Variants in SPOCK3 observed in about 807,000 individuals in gnomAD.
SPOCK3 encodes the protein SPARC (osteonectin), cwcv and kazal like domains proteoglycan 3, also known as testican-3.
SPOCK3 carries 30 observed loss-of-function variants against 56.6 expected under a neutral mutation model. The observed-to-expected ratio is 0.53, with a 90% CI of 0.40 to 0.72. The LOEUF (loss-of-function observed/expected upper bound fraction) is 0.72, where lower values mean the gene tolerates loss of function less well. Among genes scored for constraint, SPOCK3 ranks in the 30% least tolerant of loss-of-function variants. The probability of loss-of-function intolerance (pLI) is 0.00; values close to 1 mark genes in which losing one functional copy is unlikely to be tolerated. For synonymous variants in SPOCK3, 196 were observed against 183.3 expected, an observed-to-expected ratio of 1.07 and a Z score of -0.56; for missense variants, 527 against 530.0, an observed-to-expected ratio of 0.99 and a Z score of 0.06.
At chr4:166,930,636 G>T (rs564613454) in intron 4 of SPOCK3, among the ~76,000 whole-genome samples, 1 of 152,194 alleles carries the variant, frequency 6.6e-6, no homozygotes, top group Admixed American at 6.5e-5. Flanking sequence ...ATGATGAAAA[G>T]GTCAGACACT....
chr4:166,971,421 TTGATATTTTGTACTTACATTC>T (rs1254006331), intron 4 of SPOCK3, among the ~76,000 whole-genome samples: 24 of 151,256 alleles, frequency 1.6e-4, no homozygotes, highest in Non-Finnish European at 2.4e-4. Context: ...CGAAGATTAC[TTGATATTTTGTACTTACATTC>T]ATGTCTGTGG....
At chr4:166,979,354 G>A (rs1444618676) in intron 4 of SPOCK3, among the ~76,000 whole-genome samples, 1 of 151,974 alleles carries the variant, frequency 6.6e-6, no homozygotes, top group Non-Finnish European at 1.5e-5. Context: ...GTCTCTGGTG[G>A]TAAACTCCAA....
intron 7 of SPOCK3, among the ~76,000 whole-genome samples, chr4:166,768,221 TC>T (rs1008554212): frequency 7.2e-5 from 11 of 152,292 alleles, no homozygotes; most frequent in African/African-American, 2.6e-4. Flanking sequence ...GTGAAATTGA[TC>T]CTGTCATTAT....
At chr4:166,829,523 C>A (rs186025018) in intron 6 of SPOCK3, among the ~76,000 whole-genome samples, 122 of 151,942 alleles carry the variant, frequency 8.0e-4, no homozygotes, top group South Asian at 2.3e-3. Context: ...TAGTTATTTG[C>A]TAAAAATACT....
chr4:167,088,749 C>T (rs1758438226), intron 2 of SPOCK3, among the ~76,000 whole-genome samples: 1 of 152,052 alleles, frequency 6.6e-6, no homozygotes, highest in South Asian at 2.1e-4. Context: ...AGGCGTGAGC[C>T]ACCATGCCTG....
chr4:167,135,168 A>G (rs1160917722), intron 2 of SPOCK3, among the ~76,000 whole-genome samples: 1 of 151,398 alleles, frequency 6.6e-6, no homozygotes, highest in Non-Finnish European at 1.5e-5. Context: ...ATTTTCCTGA[A>G]CATAATATTA....
At chr4:166,991,341 TTATATTTA>T (rs1230726780) in intron 4 of SPOCK3, among the ~76,000 whole-genome samples, 3 of 89,528 alleles carry the variant, frequency 3.4e-5, no homozygotes, top group African/African-American at 1.2e-4. Context: ...CTTTTTGTTT[TTATATTTA>T]TTTATTTATT....
chr4:166,912,748 TA>T lies in SPOCK3; in HGVS notation c.351-6del. On this transcript the variant is annotated splice_region_variant and splice_polypyrimidine_tract_variant and intron_variant, in intron 4 of 10. Transcript: ENST00000357545. Reference sequence around the variant, plus strand: ...TCTACTCCTGCTTCTTTCATCCTGTTAAAAAAATAAAGCAAGCATATTGAGC... The same window carrying T: ...TCTACTCCTGCTTCTTTCATCCTGTTAAAAAATAAAGCAAGCATATTGAGC... 6.3e-7 allele frequency: 1 copy of T among 1,589,562 alleles called. No individual in the cohort carries two copies. The highest frequency in any genetic ancestry group is 8.5e-7 in the Non-Finnish European group (1 of 1,172,442).
chr4:167,193,755 C>A lies in SPOCK3; in HGVS notation c.189+40230G>T, dbSNP rs779661644. ...ACCCAAAGATAATCTTATGAGAGTT[C>A]TCTTATAGGTGACAAACCACTTCCC... On this transcript the variant is annotated intron_variant, in intron 2 of 10. Coordinates refer to ENST00000357545, the MANE Select transcript of SPOCK3 (RefSeq NM_001040159.2). 2.1e-5 allele frequency among the ~76,000 whole-genome samples: 3 copies of A among 145,844 alleles called. 1 individual carries two copies. Among genetic ancestry groups the A allele is most frequent in the Non-Finnish European group, 4.5e-5 (3 of 67,060 alleles).
At chr4:166,960,643 C>T (rs2150055637) in intron 4 of SPOCK3, among the ~76,000 whole-genome samples, 1 of 152,196 alleles carries the variant, frequency 6.6e-6, no homozygotes, top group East Asian at 1.9e-4. Context: ...GAGGTCTCAC[C>T]CAGTTTAGTG....
At chr4:167,078,680 C>G (rs1013368060) in intron 2 of SPOCK3, among the ~76,000 whole-genome samples, 1 of 151,556 alleles carries the variant, frequency 6.6e-6, no homozygotes, top group African/African-American at 2.4e-5. Flanking sequence ...CAGGTATCAT[C>G]CTTTACCTCA....
At chr4:166,827,400 T>C (rs1445987964) in intron 6 of SPOCK3, among the ~76,000 whole-genome samples, 11 of 152,086 alleles carry the variant, frequency 7.2e-5, no homozygotes, top group Admixed American at 6.6e-4. Context: ...CTGCCTGGCA[T>C]GAGATAAGCA....
At chr4:166,739,025 G>T (rs1303853627) in intron 9 of SPOCK3, among the ~76,000 whole-genome samples, 11 of 151,884 alleles carry the variant, frequency 7.2e-5, no homozygotes, top group African/African-American at 2.7e-4. Context: ...TCTAGTTCTA[G>T]ATCCCTGAGG....
At position 167,056,936 on chromosome 4, in the gene SPOCK3, C is replaced by T. The variant is rs1343808109; in HGVS notation, c.235+5556G>A. ...ATTCAGATTCAGGAAATACAGAGAA[C>T]ACCACAAAGATACTCCTCGAGAAGA... On this transcript the variant is annotated intron_variant, in intron 3 of 10. Coordinates refer to ENST00000357545, the MANE Select transcript of SPOCK3 (RefSeq NM_001040159.2). Among the ~76,000 whole-genome samples, 3 of 152,142 alleles carry T rather than the reference C, an allele frequency of 2.0e-5. 1 individual carries two copies. Among genetic ancestry groups the T allele is most frequent in the Middle Eastern group, 6.8e-3 (2 of 292 alleles).
chr4:167,105,964 C>T lies in SPOCK3; in HGVS notation c.190-43427G>A, dbSNP rs151041935. On this transcript the variant is annotated intron_variant, in intron 2 of 10. Transcript: ENST00000357545. ...ATTGTAAATATGTAAGCAATCATTA[C>T]TGGAGCACCCAGATACATAAAGCAA... is the stretch of plus-strand genomic sequence containing the variant. Among the ~76,000 whole-genome samples, 1,070 of 152,002 alleles carry T rather than the reference C, an allele frequency of 7.0e-3. 17 individuals carry two copies. The highest frequency in any genetic ancestry group is 0.024 in the African/African-American group (1,009 of 41,502).
chr4:167,233,901 C>T, intron 2 of SPOCK3, 84 bp downstream of exon 2: 4 of 1,231,302 alleles, frequency 3.2e-6, no homozygotes, highest in South Asian at 1.3e-5. Flanking sequence ...ACGGAGCCCA[C>T]TCCCCACCCA....
chr4:167,129,790 TGGA>T (rs1180511761), intron 2 of SPOCK3, among the ~76,000 whole-genome samples: 4 of 152,106 alleles, frequency 2.6e-5, no homozygotes, highest in Non-Finnish European at 5.9e-5. Context: ...TTTGTCATAA[TGGA>T]AGGAGAAAAA....
At chr4:166,975,713 T>C (rs1039915997) in intron 4 of SPOCK3, among the ~76,000 whole-genome samples, 1 of 152,140 alleles carries the variant, frequency 6.6e-6, no homozygotes, top group Non-Finnish European at 1.5e-5. Flanking sequence ...TCTATCTCTA[T>C]GAGTTCAATT....
intron 4 of SPOCK3, among the ~76,000 whole-genome samples, chr4:166,952,494 A>C (rs1481017222): frequency 6.6e-6 from 1 of 152,200 alleles, no homozygotes; most frequent in African/African-American, 2.4e-5. Flanking sequence ...ATATCGTGAA[A>C]ATGGCCATAC....
Sources: gnomAD v4.1 joint callset for allele counts (sites outside exome capture counted in the v4.1 genomes callset) on GRCh38, gnomAD v4.1.1 for gene constraint, MANE v1.5 for transcripts, NCBI Gene and HGNC (gene_info 2026-07-23, HGNC 2026-07-21) for gene names.